The following STPG4 variants were observed in gnomAD, a reference collection of about 807,000 sequenced individuals.
STPG4 encodes protein STPG4.
STPG4 carries 41 observed loss-of-function variants against 31.5 expected under a neutral mutation model. The observed-to-expected ratio is 1.30, with a 90% CI of 1.01 to 1.69. The LOEUF (loss-of-function observed/expected upper bound fraction) is 1.69, where lower values mean the gene tolerates loss of function less well. Among genes scored for constraint, STPG4 ranks in the 40% most tolerant of loss-of-function variants. The pLI is 0.00. For missense variants in STPG4, 375 were observed against 293.4 expected (o/e 1.28, Z -2.03); for synonymous variants, 141 against 103.0 (o/e 1.37, Z -2.24).
intron 5 of STPG4, among the ~76,000 whole-genome samples, chr2:47,095,422 C>T (rs879641659): frequency 1.3e-5 from 2 of 152,158 alleles, no homozygotes; most frequent in Admixed American, 6.5e-5. Flanking sequence ...CCACGAGCTG[C>T]GAATGAGGCA....
intron 5 of STPG4, among the ~76,000 whole-genome samples, chr2:47,128,141 T>C (rs1686400887): frequency 6.6e-6 from 1 of 152,116 alleles, no homozygotes; most frequent in Non-Finnish European, 1.5e-5. Context: ...TCTGAGCGAG[T>C]TCCCTGGATT....
chr2:47,106,744 C>T (rs941840320), intron 5 of STPG4, among the ~76,000 whole-genome samples: 15 of 151,970 alleles, frequency 9.9e-5, no homozygotes, highest in Admixed American at 1.3e-4. Flanking sequence ...TGCCAACCTC[C>T]GGAGTTGGGC....
At chr2:47,099,932 GTGC>G (rs1449570076) in intron 5 of STPG4, among the ~76,000 whole-genome samples, 1 of 152,180 alleles carries the variant, frequency 6.6e-6, no homozygotes, top group Admixed American at 6.5e-5. Flanking sequence ...CACCAGTGCT[GTGC>G]TCAGTTTCTC....
chr2:47,125,921 G>GT (rs1174063432), intron 5 of STPG4, among the ~76,000 whole-genome samples: 3 of 152,090 alleles, frequency 2.0e-5, no homozygotes, highest in Non-Finnish European at 2.9e-5. Flanking sequence ...TAGGGTTCTA[G>GT]TTTCATTCAT....
chr2:47,144,269 C>A (rs1479376335), intron 3 of STPG4, among the ~76,000 whole-genome samples: 1 of 152,154 alleles, frequency 6.6e-6, no homozygotes, highest in Non-Finnish European at 1.5e-5. Flanking sequence ...CAATGCATCT[C>A]GAAAGACACA....
rs183268641 is a variant in STPG4, at chr2:47,103,910, G to C, written c.520-13536C>G. ...TCAGTGTTAATCTCCTGTCCTGGAC[G>C]ACTATCCTCAAGATCCATTACCATC... On this transcript the variant is annotated intron_variant, in intron 5 of 6. Coordinates refer to ENST00000445927, the MANE Select transcript of STPG4 (RefSeq NM_001163561.2). Among the ~76,000 whole-genome samples the C allele has an allele frequency of 3.3e-5, 5 of 152,020 alleles. No individual in the cohort carries two copies. In the South Asian group the frequency reaches 1.0e-3, roughly 32 times the overall value.
chr2:47,130,162 A>C (rs1457821679), intron 4 of STPG4, 34 bp downstream of exon 4: 1 of 1,588,868 alleles, frequency 6.3e-7, no homozygotes, highest in Admixed American at 1.7e-5. Flanking sequence ...GTATGTAAAC[A>C]GAAAGGCAGC....
At chr2:47,117,905 G>T (rs1339562333) in intron 5 of STPG4, among the ~76,000 whole-genome samples, 1 of 147,446 alleles carries the variant, frequency 6.8e-6, no homozygotes, top group East Asian at 2.0e-4. Context: ...TCACTTTAGA[G>T]ATAGTACAAC....
intron 5 of STPG4, among the ~76,000 whole-genome samples, chr2:47,112,182 T>G (rs1292746341): frequency 6.6e-6 from 1 of 152,216 alleles, no homozygotes; most frequent in Non-Finnish European, 1.5e-5. Flanking sequence ...GTTGTTTGTT[T>G]TTGAGACGGA....
intron 3 of STPG4, among the ~76,000 whole-genome samples, chr2:47,150,482 A>G (rs1160228235): frequency 6.6e-6 from 1 of 151,704 alleles, no homozygotes; most frequent in Non-Finnish European, 1.5e-5. Context: ...CCCTCCTGGG[A>G]CCACATGCTC....
At chr2:47,124,593 A>C (rs1686330016) in intron 5 of STPG4, among the ~76,000 whole-genome samples, 2 of 152,186 alleles carry the variant, frequency 1.3e-5, no homozygotes, top group Non-Finnish European at 2.9e-5. Flanking sequence ...TGTTATTGCA[A>C]ATAGGAGGAC....
chr2:47,151,546 G>A, intron 2 of STPG4, 31 bp from the exon 3 acceptor site: 1 of 1,596,200 alleles, frequency 6.3e-7, no homozygotes, highest in Non-Finnish European at 8.6e-7. Context: ...TTTTAAGATT[G>A]TGTAAACATG....
chr2:47,130,649 G>T (rs1194250403), intron 3 of STPG4, among the ~76,000 whole-genome samples: 1 of 152,020 alleles, frequency 6.6e-6, no homozygotes, highest in Non-Finnish European at 1.5e-5. Context: ...CGAGTAGCTG[G>T]GATTAGAGGT....
rs1422646633 is a variant in STPG4, at chr2:47,092,544, G to A, written c.520-2170C>T. Reference sequence around the variant, plus strand: ...CCCAAGAAAAGAAAAGGGGAGGGGAGGGAGAAAGGGAGGGGAGGGAGAAGG... The same window carrying A: ...CCCAAGAAAAGAAAAGGGGAGGGGAAGGAGAAAGGGAGGGGAGGGAGAAGG... On this transcript the variant is annotated intron_variant, in intron 5 of 6. Transcript: ENST00000445927. 2.5e-4 allele frequency among the ~76,000 whole-genome samples: 6 copies of A among 24,442 alleles called. No individual in the cohort carries two copies. The South Asian group carries it at 7.4e-3, about 30-fold the overall frequency. 16.0% of individuals were successfully genotyped at this position (24,442 alleles called of 152,430 possible). A position where few individuals can be genotyped will look rare whatever the true frequency, so the allele number is the denominator to read the frequency against.
At chr2:47,089,105 G>A (rs560291968) in intron 6 of STPG4, among the ~76,000 whole-genome samples, 3 of 152,286 alleles carry the variant, frequency 2.0e-5, no homozygotes, top group African/African-American at 4.8e-5. Flanking sequence ...CAGTCACCAC[G>A]CCCGTATGGT....
chr2:47,152,098 C>A (rs868532300), intron 2 of STPG4, among the ~76,000 whole-genome samples: 1 of 152,136 alleles, frequency 6.6e-6, no homozygotes, highest in Non-Finnish European at 1.5e-5. Context: ...TTCGGTGATT[C>A]AACTTTGGGA....
intron 5 of STPG4, among the ~76,000 whole-genome samples, chr2:47,100,832 A>T (rs1383403055): frequency 6.6e-6 from 1 of 151,476 alleles, no homozygotes; most frequent in African/African-American, 2.4e-5. Context: ...CCACGAACCC[A>T]CAAGAAGGAA....
intron 5 of STPG4, among the ~76,000 whole-genome samples, chr2:47,104,966 C>A (rs184518470): frequency 1.3e-5 from 2 of 151,896 alleles, no homozygotes; most frequent in East Asian, 3.9e-4. Context: ...CTTGGAATTA[C>A]CAGCTTTTGC....
intron 5 of STPG4, among the ~76,000 whole-genome samples, chr2:47,098,371 C>G (rs945269289): frequency 6.6e-6 from 1 of 152,194 alleles, no homozygotes; most frequent in Non-Finnish European, 1.5e-5. Context: ...GCTAATATCT[C>G]TATTTAACAG....
Sources: allele counts gnomAD v4.1 joint callset (sites outside exome capture counted in the v4.1 genomes callset), GRCh38; gene constraint gnomAD v4.1.1; transcripts MANE v1.5; gene names NCBI Gene and HGNC (gene_info 2026-07-23, HGNC 2026-07-21).